The following DAB1 variants were observed in gnomAD, a reference collection of about 807,000 sequenced individuals.
DAB1 encodes disabled homolog 1.
A neutral mutation model predicts 64.6 loss-of-function variants in DAB1; 15 were observed. That is an observed-to-expected ratio of 0.23 (90% confidence interval 0.16 to 0.36). The LOEUF is 0.36. Among genes scored for constraint, DAB1 ranks in the 10% least tolerant of loss-of-function variants. The pLI, the probability that DAB1 is intolerant of heterozygous loss-of-function variation, is 1.00. For missense variants in DAB1, 596 were observed against 706.7 expected (o/e 0.84, Z 1.78); for synonymous variants, 235 against 251.9 (o/e 0.93, Z 0.64).
In DAB1 at chr1:57,033,566, T is replaced by G. The variant is rs752359113; in HGVS notation, c.724-7523A>C. 21 of 1,612,330 alleles carry G rather than the reference T, an allele frequency of 1.3e-5. No individual in the cohort carries two copies. The East Asian group carries it at 4.7e-4, about 36-fold the overall frequency. Reference sequence around the variant, plus strand: ...CCGTTCTTCAAAATCCTCAAACGAATAGCCATTCTGAAAGTGGAAGGGATG... The same window carrying G: ...CCGTTCTTCAAAATCCTCAAACGAAGAGCCATTCTGAAAGTGGAAGGGATG... On this transcript the variant is annotated intron_variant, in intron 9 of 14. Transcript: ENST00000371236.
intron 1 of DAB1, among the ~76,000 whole-genome samples, chr1:58,531,552 T>C (rs1646433583): frequency 6.6e-6 from 1 of 152,188 alleles, no homozygotes; most frequent in Non-Finnish European, 1.5e-5. Context: ...ATAGCAGTCA[T>C]TACTTGAATG....
intron 6 of DAB1, among the ~76,000 whole-genome samples, chr1:57,657,993 G>C (rs1646338259): frequency 1.3e-5 from 2 of 152,200 alleles, no homozygotes; most frequent in Admixed American, 1.3e-4. Context: ...AATGTTTACT[G>C]AGCCCCTCTT....
chr1:57,211,171 T>C (rs1665971767), intron 2 of DAB1, among the ~76,000 whole-genome samples: 1 of 152,198 alleles, frequency 6.6e-6, no homozygotes, highest in Admixed American at 6.5e-5. Context: ...AAATGATGCT[T>C]TTAACTTGAG....
chr1:58,059,641 C>T (rs1327817520), intron 5 of DAB1, among the ~76,000 whole-genome samples: 8 of 152,342 alleles, frequency 5.3e-5, no homozygotes, highest in East Asian at 3.9e-4. Context: ...AGATGCAGTC[C>T]TCAACTTCAA....
intron 6 of DAB1, among the ~76,000 whole-genome samples, chr1:57,791,439 G>A (rs1436522103): frequency 6.6e-6 from 1 of 152,110 alleles, no homozygotes; most frequent in Admixed American, 6.5e-5. Flanking sequence ...AAATATAAAA[G>A]GATATGACTA....
intron 1 of DAB1, among the ~76,000 whole-genome samples, chr1:57,366,239 C>A (rs1186893921): frequency 6.6e-6 from 1 of 152,164 alleles, no homozygotes; most frequent in Non-Finnish European, 1.5e-5. Flanking sequence ...GTTTATGAGT[C>A]CGTTTTACTT....
intron 5 of DAB1, among the ~76,000 whole-genome samples, chr1:58,137,859 G>C (rs1422294087): frequency 1.3e-5 from 2 of 152,150 alleles, no homozygotes; most frequent in African/African-American, 4.8e-5. Flanking sequence ...CAGGGCTTGA[G>C]GTTGTCATAG....
intron 2 of DAB1, among the ~76,000 whole-genome samples, chr1:57,237,803 A>T (rs999909003): frequency 2.0e-5 from 3 of 152,230 alleles, no homozygotes; most frequent in African/African-American, 7.2e-5. Context: ...ACATTTATTT[A>T]AAAAGCCACC....
intron 1 of DAB1, among the ~76,000 whole-genome samples, chr1:57,336,587 A>G (rs1677097718): frequency 6.6e-6 from 1 of 152,184 alleles, no homozygotes; most frequent in Non-Finnish European, 1.5e-5. Context: ...CAACAGCTCT[A>G]GTAGGTAGGT....
chr1:58,505,937 T>C (rs1017200187), intron 3 of DAB1: 4 of 574,796 alleles, frequency 7.0e-6, no homozygotes, highest in Non-Finnish European at 1.2e-5. Flanking sequence ...TGATAATCCA[T>C]AATTATAGTA....
chr1:57,150,672 A>G (rs1381485444), intron 2 of DAB1, among the ~76,000 whole-genome samples: 1 of 152,200 alleles, frequency 6.6e-6, no homozygotes, highest in African/African-American at 2.4e-5. Flanking sequence ...GATTAGGAAG[A>G]GCTACAGAGG....
intron 2 of DAB1, among the ~76,000 whole-genome samples, chr1:57,164,271 T>C (rs80236463): frequency 0.053 from 8,006 of 152,216 alleles, 657 homozygotes; most frequent in African/African-American, 0.18. Context: ...GATATGACCA[T>C]ATAAAAGCAC....
chr1:57,109,803 G>T (rs543838144), intron 4 of DAB1, among the ~76,000 whole-genome samples: 40 of 152,186 alleles, frequency 2.6e-4, no homozygotes, highest in Non-Finnish European at 4.4e-4. Flanking sequence ...AATATTTGTC[G>T]AATGATTGCA....
At chr1:57,187,744 T>C (rs564323452) in intron 2 of DAB1, among the ~76,000 whole-genome samples, 1 of 152,052 alleles carries the variant, frequency 6.6e-6, no homozygotes, top group East Asian at 1.9e-4. Flanking sequence ...ATCGTGAAGC[T>C]GGGATTCTAC....
intron 2 of DAB1, among the ~76,000 whole-genome samples, chr1:57,230,419 G>A (rs1038535669): frequency 6.6e-5 from 10 of 151,220 alleles, no homozygotes; most frequent in African/African-American, 2.4e-4. Context: ...ATGTCATTAT[G>A]ATAAGGAAAT....
chr1:57,785,258 G>A lies in DAB1; in HGVS notation n.551+98741C>T, dbSNP rs1191529262. On this transcript the variant is annotated intron_variant and non_coding_transcript_variant, in intron 6 of 20. Coordinates refer to the DAB1 transcript ENST00000485760. ...ACATAGTCATCCAAGAACTCTGATG[G>A]ATATGTGCAAGGAGATGAAAATTAT... 2.0e-5 allele frequency among the ~76,000 whole-genome samples: 3 copies of A among 152,074 alleles called. No homozygotes were observed. The East Asian group carries it at 5.8e-4, about 29-fold the overall frequency.
intron 7 of DAB1, among the ~76,000 whole-genome samples, chr1:57,598,857 T>C (rs1230103418): frequency 6.6e-6 from 1 of 152,176 alleles, no homozygotes; most frequent in Non-Finnish European, 1.5e-5. Context: ...TAGGAGCTGA[T>C]ATGATCGAAG....
chr1:57,614,650 GT>G (rs1348496819), intron 7 of DAB1, among the ~76,000 whole-genome samples: 3 of 152,054 alleles, frequency 2.0e-5, no homozygotes, highest in Admixed American at 6.6e-5. Flanking sequence ...GGTTTAAGCT[GT>G]TTTTCACATC....
rs149637314 is a variant in DAB1, at chr1:58,168,076, T to C, written n.310-17488A>G. 2.2e-3 allele frequency among the ~76,000 whole-genome samples: 341 copies of C among 152,300 alleles called. 4 individuals carry two copies. Among genetic ancestry groups the C allele is most frequent in the Middle Eastern group, 0.017 (5 of 294 alleles). ...ACCCCTTTCACTTGCTATTCTGTCC[T>C]ATTTTTCCTTAGAATTCAGGGGCTA... On this transcript the variant is annotated intron_variant and non_coding_transcript_variant, in intron 4 of 20. Coordinates refer to the DAB1 transcript ENST00000485760.
Sources: allele counts gnomAD v4.1 joint callset (sites outside exome capture counted in the v4.1 genomes callset), GRCh38; gene constraint gnomAD v4.1.1; transcripts MANE v1.5; gene names NCBI Gene and HGNC (gene_info 2026-07-23, HGNC 2026-07-21).